The following CLIC4 variants were observed in gnomAD, a reference collection of about 807,000 sequenced individuals.
CLIC4 encodes the protein chloride intracellular channel protein 4.
A neutral mutation model predicts 24.6 loss-of-function variants in CLIC4; 13 were observed. That is an observed-to-expected ratio of 0.53 (90% confidence interval 0.34 to 0.84). The LOEUF is 0.84. Among genes scored for constraint, CLIC4 ranks in the 40% least tolerant of loss-of-function variants. The pLI is 0.01. For missense variants in CLIC4, 227 were observed against 301.7 expected (o/e 0.75, Z 1.83); for synonymous variants, 104 against 111.3 (o/e 0.93, Z 0.41).
At chr1:24,763,387 A>G (rs1477414206) in intron 1 of CLIC4, among the ~76,000 whole-genome samples, 1 of 151,990 alleles carries the variant, frequency 6.6e-6, no homozygotes, top group Non-Finnish European at 1.5e-5. Flanking sequence ...TAAAAATACA[A>G]AAATTAGCCG....
At chr1:24,805,807 T>C (rs544433518) in intron 2 of CLIC4, among the ~76,000 whole-genome samples, 1 of 152,200 alleles carries the variant, frequency 6.6e-6, no homozygotes, top group Admixed American at 6.5e-5. Flanking sequence ...AACTACATTT[T>C]AATAGAAATT....
chr1:24,763,533 C>CAAAAAAAAAA (rs33955013), intron 1 of CLIC4, among the ~76,000 whole-genome samples: 1 of 78,960 alleles, frequency 1.3e-5, no homozygotes, highest in African/African-American at 5.5e-5. Context: ...ACTCCGTCTC[C>CAAAAAAAAAA]AAAAAAAAAA....
At chr1:24,835,437 C>T (rs971779766) in intron 4 of CLIC4, among the ~76,000 whole-genome samples, 3 of 152,106 alleles carry the variant, frequency 2.0e-5, no homozygotes, top group African/African-American at 7.2e-5. Context: ...GTTGCTCACG[C>T]CTATAATCCC....
chr1:24,807,563 TC>T lies in CLIC4; in HGVS notation c.183-6530del, dbSNP rs113687698. Among the ~76,000 whole-genome samples, 460 of 151,972 alleles carry T rather than the reference TC, an allele frequency of 3.0e-3. 1 individual carries two copies. The highest frequency in any genetic ancestry group is 0.01 in the African/African-American group (430 of 41,420). ...TTCTGATTGGCTAATTTAAAGAGAG[TC>T]ACCGGGTGAGTGGTTTGGCCAGAAA... On this transcript the variant is annotated intron_variant, in intron 2 of 5. Coordinates refer to ENST00000374379, the MANE Select transcript of CLIC4 (RefSeq NM_013943.3).
intron 1 of CLIC4, among the ~76,000 whole-genome samples, chr1:24,747,393 G>A (rs898149256): frequency 6.6e-6 from 1 of 151,672 alleles, no homozygotes; most frequent in Admixed American, 6.6e-5. Context: ...AATTAGCTGG[G>A]CGTGGTGGCG....
intron 1 of CLIC4, among the ~76,000 whole-genome samples, chr1:24,786,206 A>C (rs1639265643): frequency 6.6e-6 from 1 of 152,220 alleles, no homozygotes; most frequent in African/African-American, 2.4e-5. Context: ...CCATAAACAT[A>C]AATAAAGAGA....
intron 3 of CLIC4, among the ~76,000 whole-genome samples, chr1:24,817,705 A>G (rs929570870): frequency 2.0e-5 from 3 of 152,200 alleles, no homozygotes; most frequent in South Asian, 2.1e-4. Flanking sequence ...CTTTCAGCCT[A>G]TCTCAGCTTT....
At chr1:24,780,658 G>A (rs1270008407) in intron 1 of CLIC4, among the ~76,000 whole-genome samples, 1 of 152,158 alleles carries the variant, frequency 6.6e-6, no homozygotes, top group Non-Finnish European at 1.5e-5. Flanking sequence ...CATGGTATAG[G>A]CTTGCTATTC....
rs184738765 is a variant in CLIC4, at chr1:24,791,214, G to A, written c.73-6528G>A. Among the ~76,000 whole-genome samples, 512 of 152,184 alleles carry A rather than the reference G, an allele frequency of 3.4e-3. 4 individuals are homozygous for A. Among genetic ancestry groups the A allele is most frequent in the African/African-American group, 0.012 (489 of 41,502 alleles). On this transcript the variant is annotated intron_variant, in intron 1 of 5. Coordinates refer to ENST00000374379, the MANE Select transcript of CLIC4 (RefSeq NM_013943.3). Reference sequence around the variant, plus strand: ...AGATGCTATTGTTAGATAACTATATGTTAATTTTTATGGTTACTAATACAA... The same window carrying A: ...AGATGCTATTGTTAGATAACTATATATTAATTTTTATGGTTACTAATACAA...
chr1:24,826,209 A>C (rs759308724), intron 3 of CLIC4, among the ~76,000 whole-genome samples: 1 of 152,220 alleles, frequency 6.6e-6, no homozygotes, highest in African/African-American at 2.4e-5. Flanking sequence ...ACAATAGAAC[A>C]CTTGTCAGTG....
At chr1:24,799,297 G>A (rs1254259802) in intron 2 of CLIC4, among the ~76,000 whole-genome samples, 4 of 150,470 alleles carry the variant, frequency 2.7e-5, no homozygotes, top group African/African-American at 9.8e-5. Context: ...CCTCTGCCCC[G>A]CCTCCCCATC....
intron 3 of CLIC4, among the ~76,000 whole-genome samples, chr1:24,821,158 C>T (rs1035277848): frequency 2.0e-5 from 3 of 151,476 alleles, no homozygotes; most frequent in African/African-American, 7.3e-5. Flanking sequence ...GCATTCCAGC[C>T]TGCACGATAC....
At chr1:24,748,214 T>G (rs1638729353) in intron 1 of CLIC4, among the ~76,000 whole-genome samples, 1 of 152,070 alleles carries the variant, frequency 6.6e-6, no homozygotes, top group Admixed American at 6.6e-5. Context: ...GCGTGTGCAG[T>G]TTTCCAAACT....
chr1:24,797,718 T>G (rs752881302), intron 1 of CLIC4, 24 bp from the exon 2 acceptor site: 52 of 1,539,152 alleles, frequency 3.4e-5, no homozygotes, highest in Non-Finnish European at 4.6e-5. Flanking sequence ...GACCTTGTTT[T>G]TAATGTTTAA....
intron 1 of CLIC4, among the ~76,000 whole-genome samples, chr1:24,797,105 C>G (rs984226269): frequency 1.3e-5 from 2 of 151,402 alleles, no homozygotes; most frequent in African/African-American, 4.8e-5. Context: ...AGGCACCCAC[C>G]ACCACACCTG....
intron 5 of CLIC4, among the ~76,000 whole-genome samples, chr1:24,840,475 A>G (rs769569972): frequency 3.3e-5 from 5 of 152,222 alleles, no homozygotes; most frequent in Admixed American, 6.5e-5. Flanking sequence ...TAACAAAAAC[A>G]GATCTAAAAT....
At chr1:24,793,607 A>C (rs1244429156) in intron 1 of CLIC4, among the ~76,000 whole-genome samples, 2 of 152,210 alleles carry the variant, frequency 1.3e-5, no homozygotes, top group African/African-American at 4.8e-5. Flanking sequence ...TTTTTTAGGA[A>C]GTACATTTTT....
intron 1 of CLIC4, among the ~76,000 whole-genome samples, chr1:24,761,766 T>C (rs1638930361): frequency 6.6e-6 from 1 of 152,066 alleles, no homozygotes; most frequent in Non-Finnish European, 1.5e-5. Context: ...TGATGGTGGC[T>C]TGGATTAATA....
intron 1 of CLIC4, among the ~76,000 whole-genome samples, chr1:24,793,464 A>T (rs1488057792): frequency 6.6e-6 from 1 of 152,196 alleles, no homozygotes; most frequent in African/African-American, 2.4e-5. Context: ...TGCCTATAAC[A>T]AAATAAGGAT....
Sources: allele counts gnomAD v4.1 joint callset (sites outside exome capture counted in the v4.1 genomes callset), GRCh38; gene constraint gnomAD v4.1.1; transcripts MANE v1.5; gene names NCBI Gene and HGNC (gene_info 2026-07-23, HGNC 2026-07-21).